The following CC2D2B variants were observed in gnomAD, a reference collection of about 807,000 sequenced individuals.
CC2D2B encodes coiled-coil and C2 domain containing 2B, also known as protein CC2D2B.
A neutral mutation model predicts 161.2 loss-of-function variants in CC2D2B; 128 were observed. The observed-to-expected ratio is 0.79, with a 90% CI of 0.69 to 0.92. The LOEUF (loss-of-function observed/expected upper bound fraction) is 0.92. CC2D2B is among the 40% of genes least tolerant of loss of function. The pLI is 0.00. For missense variants in CC2D2B, 1,173 were observed against 1,375.1 expected, an observed-to-expected ratio of 0.85 and a Z score of 2.32; for synonymous variants, 391 against 449.8, an observed-to-expected ratio of 0.87 and a Z score of 1.65.
intron 28 of CC2D2B, among the ~76,000 whole-genome samples, chr10:96,013,358 G>A (rs12266567): frequency 0.19 from 28,076 of 149,498 alleles, 2,745 homozygotes; most frequent in Middle Eastern, 0.26. Flanking sequence ...AAAAATAATT[G>A]TGATAGATTT....
chr10:96,007,145 T>A (rs1390041449), intron 25 of CC2D2B, among the ~76,000 whole-genome samples: 1 of 152,132 alleles, frequency 6.6e-6, no homozygotes, highest in Non-Finnish European at 1.5e-5. Context: ...CTAGTATCCA[T>A]TAGCTATTTT....
intron 33 of CC2D2B, 118 bp downstream of exon 33, chr10:96,025,029 G>C (rs927977311): frequency 7.5e-6 from 4 of 536,468 alleles, no homozygotes; most frequent in African/African-American, 4.0e-5. Flanking sequence ...AATATTTCCA[G>C]CTGGCCCAGT....
At chr10:96,021,062 C>T (rs2079433987) in intron 32 of CC2D2B, 1 of 152,008 alleles carries the variant, frequency 6.6e-6, no homozygotes, top group Admixed American at 6.6e-5. Context: ...ACAACTAAAA[C>T]AATAAAATTA....
chr10:95,915,805 A>G (rs945598785), intron 2 of CC2D2B, among the ~76,000 whole-genome samples: 9 of 152,064 alleles, frequency 5.9e-5, no homozygotes, highest in African/African-American at 1.4e-4. Context: ...TCGGCTTGCT[A>G]GTATTTTGTT....
chr10:96,003,412 G>A (rs527549985), intron 24 of CC2D2B, among the ~76,000 whole-genome samples: 9 of 124,256 alleles, frequency 7.2e-5, no homozygotes, highest in African/African-American at 2.6e-4. Context: ...AATAAATTCC[G>A]TTATTTATTT....
intron 11 of CC2D2B, among the ~76,000 whole-genome samples, chr10:95,958,373 T>G (rs986068814): frequency 3.9e-5 from 6 of 152,112 alleles, no homozygotes; most frequent in Non-Finnish European, 8.8e-5. Context: ...GCACCTGTAG[T>G]CCCAGCTACT....
At chr10:96,016,410 T>G in intron 30 of CC2D2B, 96 bp downstream of exon 30, 2 of 792,710 alleles carry the variant, frequency 2.5e-6, no homozygotes, top group Admixed American at 4.3e-5. Context: ...TTCCATCTCT[T>G]CACAAACTAA....
At chr10:95,934,111 A>G (rs2075717981) in intron 6 of CC2D2B, among the ~76,000 whole-genome samples, 1 of 152,154 alleles carries the variant, frequency 6.6e-6, no homozygotes, top group Admixed American at 6.5e-5. Flanking sequence ...CAGTTTGGCT[A>G]CAGCAGCTTT....
chr10:95,995,269 A>G lies in CC2D2B; in HGVS notation c.2643A>G (p.Gly881=). The change falls in exon 23 of 35, where the codon GGA becomes GGG. Residue 881 remains glycine (G), a splice_region_variant and synonymous_variant. Transcript: ENST00000646931. ...TGTCTCTCTATTGTTTTTCCTGAAG[A>G]TCCTTGGATATGCCTACTTGTTTGA... ...NIPTRKTTIN[G]SLDMPTCLKS... 1 of 1,504,984 alleles carries G rather than the reference A, an allele frequency of 6.6e-7. No homozygotes were observed. Among genetic ancestry groups the G allele is most frequent in the Non-Finnish European group, 8.9e-7 (1 of 1,129,032 alleles). 93.2% of individuals were successfully genotyped at this position (1,504,984 alleles called of 1,614,324 possible). A position where few individuals can be genotyped will look rare whatever the true frequency, so the allele number is the denominator to read the frequency against.
intron 18 of CC2D2B, among the ~76,000 whole-genome samples, 199 bp from the exon 19 acceptor site, chr10:95,983,407 T>C (rs1045781264): frequency 6.6e-6 from 1 of 151,914 alleles, no homozygotes; most frequent in Non-Finnish European, 1.5e-5. Flanking sequence ...TTGTAAGTCA[T>C]GACTGGGAAA....
chr10:95,927,373 G>GA (rs1564587057), intron 6 of CC2D2B, 41 bp downstream of exon 6: 8 of 1,062,928 alleles, frequency 7.5e-6, no homozygotes, highest in East Asian at 2.6e-5. Context: ...TCACTCTCAG[G>GA]AAAAAATGAT....
chr10:96,010,073 G>A, intron 26 of CC2D2B, 150 bp downstream of exon 26: 1 of 559,304 alleles, frequency 1.8e-6, no homozygotes. Context: ...CTTTTGAAGT[G>A]TTTGAAGATT....
chr10:95,944,643 A>G (rs529172893), intron 9 of CC2D2B, among the ~76,000 whole-genome samples: 94 of 152,336 alleles, frequency 6.2e-4, no homozygotes, highest in African/African-American at 2.1e-3. Context: ...ATAAAAAGTA[A>G]ATGCATAATT....
At chr10:95,953,800 T>G (rs2076484877) in intron 10 of CC2D2B, among the ~76,000 whole-genome samples, 1 of 152,170 alleles carries the variant, frequency 6.6e-6, no homozygotes, top group South Asian at 2.1e-4. Context: ...CAAGTTGACT[T>G]GTGGTTAGCT....
chr10:95,912,145 G>C (rs750282652), intron 2 of CC2D2B, among the ~76,000 whole-genome samples: 2 of 152,126 alleles, frequency 1.3e-5, no homozygotes, highest in Non-Finnish European at 2.9e-5. Context: ...TAGAAAGCTT[G>C]AGATTTCCAA....
chr10:95,977,357 G>C (rs866035595), intron 17 of CC2D2B, among the ~76,000 whole-genome samples: 1 of 152,146 alleles, frequency 6.6e-6, no homozygotes, highest in Non-Finnish European at 1.5e-5. Context: ...CCTGGTGACA[G>C]AGTGAGACTC....
In CC2D2B at chr10:95,922,699, G is replaced by C. The variant is rs144446227; in HGVS notation, c.97+623G>C. On this transcript the variant is annotated intron_variant, in intron 3 of 34. Coordinates refer to ENST00000646931, the MANE Select transcript of CC2D2B (RefSeq NM_001349008.3). ...ATCAATAGGTCCTCAATTTTTTACT[G>C]TACCTAGGATTGCATGATCTTGCAT... is the stretch of plus-strand genomic sequence containing the variant. Among the ~76,000 whole-genome samples, 65 of 152,266 alleles carry C rather than the reference G, an allele frequency of 4.3e-4. No homozygotes were observed. The South Asian group carries it at 6.4e-3, about 15-fold the overall frequency.
chr10:95,985,067 A>T (rs2077666962), intron 19 of CC2D2B, among the ~76,000 whole-genome samples: 1 of 152,350 alleles, frequency 6.6e-6, no homozygotes, highest in East Asian at 1.9e-4. Flanking sequence ...ATACATAGGA[A>T]TATATTTGAC....
intron 9 of CC2D2B, among the ~76,000 whole-genome samples, chr10:95,946,957 T>C (rs1324954942): frequency 6.6e-6 from 1 of 151,178 alleles, no homozygotes; most frequent in Non-Finnish European, 1.5e-5. Context: ...TGGCTAGGCA[T>C]TGATGAATCA....
Sources: allele counts gnomAD v4.1 joint callset (sites outside exome capture counted in the v4.1 genomes callset), GRCh38; gene constraint gnomAD v4.1.1; transcripts MANE v1.5; gene names NCBI Gene and HGNC (gene_info 2026-07-23, HGNC 2026-07-21).